STAB2: variants seen among roughly 807,000 people sequenced by gnomAD.
The protein encoded by STAB2 is stabilin-2.
Under a neutral mutation model 338.1 loss-of-function variants are expected in STAB2, and 288 were observed. The ratio of observed to expected loss-of-function variants is 0.85; its 90% CI spans 0.77 to 0.94. STAB2 has a LOEUF of 0.94. Ranked by LOEUF, STAB2 falls within the 40% of genes least tolerant of loss-of-function variation. STAB2 has a pLI of 0.00. For missense variants in STAB2, 3,141 were observed against 3,210.1 expected, an observed-to-expected ratio of 0.98 and a Z score of 0.52; for synonymous variants, 1,202 against 1,193.3, an observed-to-expected ratio of 1.01 and a Z score of -0.15.
Position 103,745,218 on chromosome 12 carries a change from G to T in STAB2, c.6077G>T (p.Gly2026Val). The T allele has an allele frequency of 1.9e-6, 3 of 1,614,050 alleles. No individual in the cohort carries two copies. The highest frequency in any genetic ancestry group is 2.5e-6 in the Non-Finnish European group (3 of 1,180,000). Residue 2026 changes from glycine (G) to valine (V), a missense_variant, in exon 57 of 69, where the codon GGC becomes GTC. Gly to Val is a moderately radical substitution (Grantham distance 109). Coordinates refer to ENST00000388887, the MANE Select transcript of STAB2 (RefSeq NM_017564.10). ...GGACAGTGCGATGATGGCATCACGG[G>T]CTCCGGGCAGTGCCTCTGTGAAACG... is the stretch of plus-strand genomic sequence containing the variant. ...DHGQCDDGIT[G>V]SGQCLCETGW...
At chr12:103,756,164 C>A (rs908110954) in intron 63 of STAB2, among the ~76,000 whole-genome samples, 9 of 152,194 alleles carry the variant, frequency 5.9e-5, no homozygotes, top group African/African-American at 2.2e-4. Flanking sequence ...CTGGTGATCA[C>A]CCAGTGAGCC....
At chr12:103,757,016 T>A (rs749875578) in intron 63 of STAB2, among the ~76,000 whole-genome samples, 28,177 of 135,188 alleles carry the variant, frequency 0.21, 3,270 homozygotes, top group South Asian at 0.34. Flanking sequence ...TATATATATA[T>A]ATATATATAT....
chr12:103,650,675 T>G, intron 11 of STAB2, 97 bp downstream of exon 11: 2 of 947,680 alleles, frequency 2.1e-6, no homozygotes, highest in Non-Finnish European at 3.2e-6. Context: ...CCCATTAAAA[T>G]TAAACCTACT....
intron 34 of STAB2, 48 bp from the exon 35 acceptor site, chr12:103,703,100 A>G (rs368988397): frequency 2.8e-5 from 44 of 1,581,350 alleles, no homozygotes; most frequent in Non-Finnish European, 3.2e-5. Context: ...TCTTTTCCAT[A>G]TCTCTTTAAA....
intron 3 of STAB2, among the ~76,000 whole-genome samples, chr12:103,600,685 G>A (rs1448113279): frequency 6.6e-6 from 1 of 152,208 alleles, no homozygotes; most frequent in African/African-American, 2.4e-5. Flanking sequence ...AAGCCACTAG[G>A]CAAGAGGGCT....
At chr12:103,705,132 T>A (rs1288077171) in intron 36 of STAB2, 1 of 156,570 alleles carries the variant, frequency 6.4e-6, no homozygotes, top group East Asian at 1.9e-4. Context: ...AGCATAATAG[T>A]TTTTACTAAA....
chr12:103,685,469 T>TGTGTGC (rs1300245724), intron 27 of STAB2, among the ~76,000 whole-genome samples: 1 of 140,690 alleles, frequency 7.1e-6, no homozygotes, highest in East Asian at 2.5e-4. Context: ...TGCGTGTGTG[T>TGTGTGC]GTGCGTGCGC....
intron 15 of STAB2, among the ~76,000 whole-genome samples, 197 bp downstream of exon 15, chr12:103,655,778 G>A (rs750106261): frequency 1.4e-4 from 22 of 152,100 alleles, no homozygotes; most frequent in Non-Finnish European, 2.4e-4. Flanking sequence ...CAGTCTCTTC[G>A]ATAGAATTTC....
At chr12:103,727,480 T>C in intron 47 of STAB2, 130 bp downstream of exon 47, 1 of 1,025,506 alleles carries the variant, frequency 9.8e-7, no homozygotes, top group Non-Finnish European at 1.5e-6. Context: ...TCACCAGCAA[T>C]AGAAGGGGCT....
intron 9 of STAB2, among the ~76,000 whole-genome samples, chr12:103,646,057 C>T (rs778342726): frequency 1.4e-4 from 22 of 152,154 alleles, no homozygotes; most frequent in Non-Finnish European, 3.1e-4. Context: ...GCCAAAACTC[C>T]AGCTACTCAG....
chr12:103,647,794 AT>A (rs1873446255), intron 9 of STAB2, among the ~76,000 whole-genome samples: 1 of 152,186 alleles, frequency 6.6e-6, no homozygotes, highest in Admixed American at 6.5e-5. Context: ...CTGATAGTAC[AT>A]TTTTAACTCT....
At chr12:103,756,925 C>T (rs1456960961) in intron 63 of STAB2, among the ~76,000 whole-genome samples, 1 of 149,774 alleles carries the variant, frequency 6.7e-6, no homozygotes, top group African/African-American at 2.5e-5. Context: ...AAAGAAAAGA[C>T]GGTGTCAGAA....
chr12:103,762,822 G>A (rs1389204187), intron 67 of STAB2, among the ~76,000 whole-genome samples: 1 of 152,234 alleles, frequency 6.6e-6, no homozygotes, highest in East Asian at 1.9e-4. Context: ...ACAGCCAGAG[G>A]CTTTATGCTG....
chr12:103,620,654 C>CACAT (rs71303518), intron 4 of STAB2, 101 bp downstream of exon 4: 1 of 929,392 alleles, frequency 1.1e-6, no homozygotes, highest in African/African-American at 1.7e-5. Flanking sequence ...CACACACACA[C>CACAT]GTGCACACAC....
At chr12:103,673,839 G>C in intron 22 of STAB2, 68 bp from the exon 23 acceptor site, 1 of 1,527,892 alleles carries the variant, frequency 6.5e-7, no homozygotes, top group Admixed American at 1.8e-5. Context: ...TGTCCTCCAG[G>C]GTGCTCTGCC....
Position 103,740,694 on chromosome 12 carries a change from G to A in STAB2, c.5819G>A (p.Arg1940Gln), listed in dbSNP as rs139559759. The A allele has an allele frequency of 3.4e-5, 55 of 1,609,574 alleles. No homozygotes were observed. The African/African-American group carries it at 4.3e-4, about 13-fold the overall frequency. ...FKRNLEGCRE[R>Q]CSLVIQIPRC... ...AGGAACCTGGAAGGCTGCCGGGAGCGGTGCAGCCTGGTGATACAGATCCCC... is the reference window on the plus strand; with the variant it reads ...AGGAACCTGGAAGGCTGCCGGGAGCAGTGCAGCCTGGTGATACAGATCCCC... Residue 1940 changes from arginine to glutamine, a missense_variant, in exon 55 of 69, where the codon CGG (arginine) becomes CAG (glutamine). Coordinates refer to ENST00000388887, the MANE Select transcript of STAB2 (RefSeq NM_017564.10).
At chr12:103,645,443 C>A (rs947169478) in intron 9 of STAB2, among the ~76,000 whole-genome samples, 4 of 152,208 alleles carry the variant, frequency 2.6e-5, no homozygotes, top group Admixed American at 2.6e-4. Flanking sequence ...CAAAACAGAC[C>A]ATTGGCCACC....
intron 3 of STAB2, among the ~76,000 whole-genome samples, chr12:103,613,986 C>A (rs764397421): frequency 2.0e-5 from 3 of 152,028 alleles, no homozygotes; most frequent in Non-Finnish European, 4.4e-5. Context: ...TTGTTTATAT[C>A]TTTCTTCTTT....
intron 56 of STAB2, among the ~76,000 whole-genome samples, chr12:103,744,013 G>A (rs890944685): frequency 3.3e-5 from 5 of 152,172 alleles, no homozygotes; most frequent in Non-Finnish European, 7.3e-5. Context: ...GTATCTGTAG[G>A]AGAACAGGCA....
Sources: gnomAD v4.1 joint callset for allele counts (sites outside exome capture counted in the v4.1 genomes callset) on GRCh38, gnomAD v4.1.1 for gene constraint, MANE v1.5 for transcripts, NCBI Gene and HGNC (gene_info 2026-07-23, HGNC 2026-07-21) for gene names.